SNCAIP: variants seen among roughly 807,000 people sequenced by gnomAD.
SNCAIP encodes synuclein alpha interacting protein.
Under a neutral mutation model 86.7 loss-of-function variants are expected in SNCAIP, and 43 were observed. The observed-to-expected ratio is 0.50, with a 90% CI of 0.39 to 0.64. The LOEUF is 0.64. Among genes scored for constraint, SNCAIP ranks in the 30% least tolerant of loss-of-function variants. The pLI is 0.00. For synonymous variants in SNCAIP, 417 were observed against 427.2 expected, an observed-to-expected ratio of 0.98 and a Z score of 0.29; for missense variants, 981 against 1,103.1, an observed-to-expected ratio of 0.89 and a Z score of 1.57.
chr5:122,327,818 G>A (rs939343034), intron 1 of SNCAIP, among the ~76,000 whole-genome samples: 2 of 152,144 alleles, frequency 1.3e-5, no homozygotes, highest in African/African-American at 2.4e-5. Context: ...ATTTCTGTCT[G>A]GTGGAGAAGA....
Position 122,463,295 on chromosome 5 carries a change from T to A in SNCAIP, c.2755-196T>A, listed in dbSNP as rs144277654. Among the ~76,000 whole-genome samples the A allele has an allele frequency of 1.1e-4, 16 of 152,350 alleles. No homozygotes were observed. In the East Asian group the frequency reaches 2.9e-3, roughly 28 times the overall value. The stretch of plus-strand genomic sequence containing the variant: ...AAGAGTGTTTAGTAACTGTGTGTTA[T>A]TACATGACTATTGCTTTCATTGTTT... On this transcript the variant is annotated intron_variant, in intron 10 of 10. Coordinates refer to ENST00000261368, the MANE Select transcript of SNCAIP (RefSeq NM_005460.4).
rs561222078 is a variant in SNCAIP, at chr5:122,442,442, G to A, written c.1422+1688G>A. 3.9e-5 allele frequency among the ~76,000 whole-genome samples: 6 copies of A among 152,226 alleles called. No individual in the cohort carries two copies. The East Asian group carries it at 5.8e-4, about 15-fold the overall frequency. On this transcript the variant is annotated intron_variant, in intron 7 of 10. Coordinates refer to ENST00000261368, the MANE Select transcript of SNCAIP (RefSeq NM_005460.4). ...GAACTCACTTGATAGGAAATAGTCC[G>A]GAGAGCTGAAAGTTTTTCTATTATT...
chr5:122,357,680 C>G (rs917626665), intron 1 of SNCAIP, among the ~76,000 whole-genome samples: 22 of 146,800 alleles, frequency 1.5e-4, no homozygotes, highest in African/African-American at 5.0e-4. Flanking sequence ...TACTTATTTA[C>G]TTGTTCATGG....
chr5:122,370,407 AC>A (rs1183803022), intron 1 of SNCAIP, among the ~76,000 whole-genome samples: 1 of 152,020 alleles, frequency 6.6e-6, no homozygotes, highest in Non-Finnish European at 1.5e-5. Flanking sequence ...ATACAATGTA[AC>A]ATATATGACA....
chr5:122,407,376 A>G (rs1287420207), intron 3 of SNCAIP, among the ~76,000 whole-genome samples: 1 of 152,230 alleles, frequency 6.6e-6, no homozygotes, highest in Non-Finnish European at 1.5e-5. Context: ...TAGCTGCAGC[A>G]TGGTGATCAG....
chr5:122,349,044 G>C, intron 1 of SNCAIP, among the ~76,000 whole-genome samples: 1 of 152,040 alleles, frequency 6.6e-6, no homozygotes, highest in East Asian at 1.9e-4. Context: ...AAAGTAGATT[G>C]ACCCTTTTCT....
intron 7 of SNCAIP, among the ~76,000 whole-genome samples, chr5:122,441,973 A>G (rs1017809441): frequency 2.6e-5 from 4 of 152,192 alleles, no homozygotes; most frequent in Admixed American, 2.0e-4. Context: ...TATCTGATAT[A>G]TAGGATAGGG....
chr5:122,446,533 T>C (rs559937735), intron 8 of SNCAIP, among the ~76,000 whole-genome samples: 6 of 152,340 alleles, frequency 3.9e-5, no homozygotes, highest in African/African-American at 1.4e-4. Context: ...AGTACACATA[T>C]GTACTAGTAG....
chr5:122,311,996 G>A (rs1262629452), upstream of SNCAIP: 1 of 147,922 alleles, frequency 6.8e-6, no homozygotes, highest in Non-Finnish European at 1.5e-5. Flanking sequence ...CGCAGTGGCA[G>A]TGGTGGCCGC....
intron 7 of SNCAIP, among the ~76,000 whole-genome samples, chr5:122,441,645 A>G (rs1443751444): frequency 2.0e-5 from 3 of 152,230 alleles, no homozygotes; most frequent in African/African-American, 7.2e-5. Flanking sequence ...CAAGTAGTGC[A>G]TGGCAGGAAA....
chr5:122,313,441 C>T (rs1751059273), intron 1 of SNCAIP, among the ~76,000 whole-genome samples: 1 of 152,236 alleles, frequency 6.6e-6, no homozygotes, highest in Non-Finnish European at 1.5e-5. Flanking sequence ...TGTCAGTTCT[C>T]CAAGGTGTCA....
rs569005408 is a variant in SNCAIP, at chr5:122,422,193, C to T, written c.131-675C>T. On this transcript the variant is annotated intron_variant, in intron 3 of 10. Coordinates refer to ENST00000261368, the MANE Select transcript of SNCAIP (RefSeq NM_005460.4). Reference sequence around the variant, plus strand: ...TGTCAGAAAGCACCATGAAATGTTGCTGCATGATAGTTGACCAGGGTACTT... The same window carrying T: ...TGTCAGAAAGCACCATGAAATGTTGTTGCATGATAGTTGACCAGGGTACTT... Among the ~76,000 whole-genome samples the T allele has an allele frequency of 1.1e-4, 17 of 152,212 alleles. No individual in the cohort carries two copies. The East Asian group carries it at 3.3e-3, about 29-fold the overall frequency.
intron 1 of SNCAIP, among the ~76,000 whole-genome samples, chr5:122,381,807 G>A (rs1766892627): frequency 6.6e-6 from 1 of 151,996 alleles, no homozygotes; most frequent in African/African-American, 2.4e-5. Context: ...ATGAAGCTTA[G>A]TTTGTCTGGA....
intron 6 of SNCAIP, among the ~76,000 whole-genome samples, chr5:122,432,524 G>C (rs1001009269): frequency 2.0e-5 from 3 of 151,972 alleles, no homozygotes; most frequent in African/African-American, 4.8e-5. Flanking sequence ...TAATTTTTCA[G>C]TATTTTCCAA....
intron 1 of SNCAIP, among the ~76,000 whole-genome samples, chr5:122,352,409 C>G (rs1760047382): frequency 6.6e-6 from 1 of 152,176 alleles, no homozygotes; most frequent in African/African-American, 2.4e-5. Context: ...AAGTTATCTT[C>G]TCTGATTTAC....
intron 1 of SNCAIP, among the ~76,000 whole-genome samples, chr5:122,375,750 A>G (rs1344161787): frequency 1.3e-5 from 2 of 151,974 alleles, no homozygotes; most frequent in Non-Finnish European, 2.9e-5. Flanking sequence ...GAAAAAAAAT[A>G]ATAAAAATAA....
intron 1 of SNCAIP, among the ~76,000 whole-genome samples, chr5:122,320,801 G>T (rs978476614): frequency 6.6e-6 from 1 of 152,190 alleles, no homozygotes; most frequent in Admixed American, 6.5e-5. Flanking sequence ...GTCCCCAGTA[G>T]AGCATTGCTC....
intron 6 of SNCAIP, among the ~76,000 whole-genome samples, chr5:122,433,156 ATATT>A (rs1561759387): frequency 6.7e-6 from 1 of 148,342 alleles, no homozygotes; most frequent in Non-Finnish European, 1.5e-5. Context: ...TGTATAATAT[ATATT>A]ACATAAAAAC....
Position 122,405,456 on chromosome 5 carries a change from C to T in SNCAIP, c.130+1591C>T, listed in dbSNP as rs548538033. Among the ~76,000 whole-genome samples the T allele has an allele frequency of 5.3e-5, 8 of 152,166 alleles. No individual in the cohort carries two copies. The East Asian group carries it at 1.4e-3, about 26-fold the overall frequency. ...TCTACTTACATTAATCCCATTAATC[C>T]TAAAATACTTGTGAGCTAAGTACTA... On this transcript the variant is annotated intron_variant, in intron 3 of 10. Coordinates refer to ENST00000261368, the MANE Select transcript of SNCAIP (RefSeq NM_005460.4).
Sources: allele counts gnomAD v4.1 joint callset (sites outside exome capture counted in the v4.1 genomes callset), GRCh38; gene constraint gnomAD v4.1.1; transcripts MANE v1.5; gene names NCBI Gene and HGNC (gene_info 2026-07-23, HGNC 2026-07-21).